COL6A3: variants seen among roughly 807,000 people sequenced by gnomAD.
COL6A3 encodes collagen type VI alpha 3 chain, also known as collagen alpha-3(VI) chain.
A neutral mutation model predicts 274.1 loss-of-function variants in COL6A3; 137 were observed. That is an observed-to-expected ratio of 0.50 (90% CI 0.44 to 0.58). The LOEUF (loss-of-function observed/expected upper bound fraction) is 0.58, where lower values mean the gene tolerates loss of function less well. COL6A3 is among the 20% of genes least tolerant of loss of function. The probability of loss-of-function intolerance (pLI) is 0.00; values close to 1 mark genes in which losing one functional copy is unlikely to be tolerated. For missense variants in COL6A3, 3,950 were observed against 4,124.9 expected (o/e 0.96, Z 1.16); for synonymous variants, 1,650 against 1,650.6 (o/e 1.00, Z 0.01).
rs147839772 is a variant in COL6A3, at chr2:237,351,812, T to G, written c.6754-620A>C. On this transcript the variant is annotated intron_variant, in intron 26 of 43. Transcript: ENST00000295550. ...GTCTAAAGATATGTATTTATCAGCT[T>G]TCAAGCTAGAGAAGGACTTTCTAAG... 5.1e-4 allele frequency among the ~76,000 whole-genome samples: 77 copies of G among 152,372 alleles called. 1 individual carries two copies. The highest frequency in any genetic ancestry group is 1.8e-3 in the African/African-American group (76 of 41,586).
chr2:237,337,446 T>C (rs931296127), intron 39 of COL6A3, among the ~76,000 whole-genome samples: 5 of 152,126 alleles, frequency 3.3e-5, no homozygotes, highest in Admixed American at 6.5e-5. Flanking sequence ...ATGCTGAGAT[T>C]TAAAGCCACT....
At chr2:237,377,449 C>T (rs2077879666) in intron 6 of COL6A3, 105 bp from the exon 7 acceptor site, 1 of 1,043,592 alleles carries the variant, frequency 9.6e-7, no homozygotes. Context: ...TGAAACTCAT[C>T]TGATGACCAC....
At position 237,374,223 on chromosome 2, in the gene COL6A3, C is replaced by T. The variant is rs762188379; in HGVS notation, c.3679+189G>A. Among the ~76,000 whole-genome samples the T allele has an allele frequency of 6.6e-6, 1 of 152,224 alleles. No individual in the cohort carries two copies. Among genetic ancestry groups the T allele is most frequent in the Non-Finnish European group, 1.5e-5 (1 of 68,038 alleles). On this transcript the variant is annotated intron_variant, in intron 8 of 43. Coordinates refer to ENST00000295550, the MANE Select transcript of COL6A3 (RefSeq NM_004369.4). The surrounding 1 kb of genome is among the most constrained non-coding windows in gnomAD (Gnocchi z 4.8). ...AAAACATGAATCTTAGCATCTCCCC[C>T]CTTGAACCTCTGCCATTTCTGCCCA... is the stretch of plus-strand genomic sequence containing the variant.
intron 10 of COL6A3, among the ~76,000 whole-genome samples, chr2:237,367,871 C>G (rs61526536): frequency 1.3e-5 from 2 of 152,028 alleles, no homozygotes; most frequent in African/African-American, 2.4e-5. Flanking sequence ...GCAACTGAGA[C>G]TGGAATAGAG....
At chr2:237,377,424 G>C in intron 6 of COL6A3, 80 bp from the exon 7 acceptor site, 1 of 1,403,262 alleles carries the variant, frequency 7.1e-7, no homozygotes, top group Non-Finnish European at 9.9e-7. Flanking sequence ...AGCACCATTT[G>C]ACAACAGGAG....
rs772836012 is a variant in COL6A3 at position 237,366,711 on chromosome 2, G to C, written c.5476C>G (p.Pro1826Ala). 6.2e-7 allele frequency: 1 copy of C among 1,614,234 alleles called. No individual in the cohort carries two copies. Among genetic ancestry groups the C allele is most frequent in the South Asian group, 1.1e-5 (1 of 91,088 alleles). ...LHDAMHETLC[P>A]GVTDAAKACN... ...CCTTTGGCAGCATCAGTTACACCAG[G>C]GCAAAGGGTTTCATGCATCGCATCA... Residue 1826 changes from proline to alanine, a missense_variant, in exon 11 of 44, where the codon CCT becomes GCT. By Grantham distance (27) the Pro-to-Ala change is conservative. Around this residue, in one of 5 missense-constraint regions of COL6A3, gnomAD observed 632 missense variants for 623.4 expected, o/e 1.01. Coordinates refer to ENST00000295550, the MANE Select transcript of COL6A3 (RefSeq NM_004369.4).
Position 237,413,659 on chromosome 2 carries a change from G to A in COL6A3, c.-31+294C>T, listed in dbSNP as rs1483565466. On this transcript the variant is annotated intron_variant, in intron 1 of 43. Transcript: ENST00000295550. The surrounding 1 kb of genome is among the most constrained non-coding windows in gnomAD (Gnocchi z 4.0). ...CAGTAACTTAAATAAATCATGGGCC[G>A]AAACACACTGCCGCCCGGAATGCAC... 1.3e-5 allele frequency among the ~76,000 whole-genome samples: 2 copies of A among 152,166 alleles called. No individual in the cohort carries two copies. Among genetic ancestry groups the A allele is most frequent in the African/African-American group, 4.8e-5 (2 of 41,442 alleles).
intron 26 of COL6A3, 30 bp from the exon 27 acceptor site, chr2:237,351,222 G>T: frequency 6.2e-7 from 1 of 1,611,334 alleles, no homozygotes; most frequent in Non-Finnish European, 8.5e-7. Context: ...ATGTGTCAGT[G>T]AAGTGGCCAA....
chr2:237,337,661 A>G (rs955827245), intron 39 of COL6A3, among the ~76,000 whole-genome samples: 1 of 152,228 alleles, frequency 6.6e-6, no homozygotes, highest in African/African-American at 2.4e-5. Flanking sequence ...CCTCCAAAGC[A>G]TGACACACTG....
chr2:237,348,540 A>G (rs544756562), intron 29 of COL6A3, 73 bp downstream of exon 29: 11 of 1,483,090 alleles, frequency 7.4e-6, no homozygotes, highest in Middle Eastern at 1.7e-4. Context: ...CTTTTAAAAC[A>G]CAACACATCA....
At chr2:237,394,499 T>A in intron 3 of COL6A3, 88 bp downstream of exon 3, 3 of 1,561,434 alleles carry the variant, frequency 1.9e-6, no homozygotes, top group Non-Finnish European at 2.6e-6. Context: ...CCACCCGCCA[T>A]CCTAGCTGTT....
chr2:237,352,390 G>T (rs1200932339), intron 26 of COL6A3, 132 bp downstream of exon 26: 3 of 909,152 alleles, frequency 3.3e-6, no homozygotes, highest in African/African-American at 1.6e-5. Flanking sequence ...TAAATCTGGG[G>T]TTTTTGTTGC....
chr2:237,370,925 T>C (rs981386889), intron 9 of COL6A3, among the ~76,000 whole-genome samples: 13 of 152,250 alleles, frequency 8.5e-5, no homozygotes, highest in African/African-American at 3.1e-4. Flanking sequence ...TAACCCTATC[T>C]GAACACAGAC....
At chr2:237,342,344 G>GT (rs1009122752) in intron 36 of COL6A3, 183 bp from the exon 37 acceptor site, 2 of 627,460 alleles carry the variant, frequency 3.2e-6, no homozygotes, top group Non-Finnish European at 5.7e-6. Flanking sequence ...AAAGACATAG[G>GT]TTTTATTCTA....
At chr2:237,379,314 C>T in intron 5 of COL6A3, 79 bp from the exon 6 acceptor site, 2 of 1,524,426 alleles carry the variant, frequency 1.3e-6, no homozygotes, top group East Asian at 2.3e-5. Flanking sequence ...AACACGTGCA[C>T]ACATGCCAAC....
intron 17 of COL6A3, 126 bp from the exon 18 acceptor site, chr2:237,359,514 A>G: frequency 2.0e-6 from 2 of 989,678 alleles, no homozygotes; most frequent in South Asian, 1.3e-5. Context: ...AAAATGTAAT[A>G]TTAGAGTCCT....
At chr2:237,351,354 C>T (rs1178032679) in intron 26 of COL6A3, among the ~76,000 whole-genome samples, 162 bp from the exon 27 acceptor site, 3 of 152,218 alleles carry the variant, frequency 2.0e-5, no homozygotes, top group Admixed American at 1.3e-4. Context: ...CACGGGGCTA[C>T]GGACTCAAAT....
At position 237,413,889 on chromosome 2, in the gene COL6A3, T is replaced by A. The variant is rs2078915828; in HGVS notation, c.-31+64A>T. The A allele has an allele frequency of 6.6e-6, 1 of 152,196 alleles. No homozygotes were observed. Among genetic ancestry groups the A allele is most frequent in the Admixed American group, 6.5e-5 (1 of 15,286 alleles). The allele number at this position is 152,196 out of a possible 1,614,324, so 9.4% of individuals were successfully genotyped here. A position where few individuals can be genotyped will look rare whatever the true frequency, so the allele number is the denominator to read the frequency against. On this transcript the variant is annotated intron_variant, in intron 1 of 43. Transcript: ENST00000295550. The surrounding 1 kb of genome is among the most constrained non-coding windows in gnomAD (Gnocchi z 4.0). ...ACTAACGCTACCTAGAAAGGATCAC[T>A]TCAGGTTAAGAGCATTTCCTTCTAG...
At position 237,377,231 on chromosome 2, in the gene COL6A3, C is replaced by T; in HGVS notation, c.2611G>A (p.Glu871Lys). Residue 871 changes from glutamate (E) to lysine (K), a missense_variant, in exon 7 of 44, where the codon GAG (glutamate) becomes AAG (lysine). Around this residue, in one of 5 missense-constraint regions of COL6A3, gnomAD observed 1,934 missense variants for 1,984.3 expected, o/e 0.97. Transcript: ENST00000295550. ...KIIDELNVKPEGTRIAVAQYS... is the reference protein window; with the variant it reads ...KIIDELNVKPKGTRIAVAQYS... ...TGAGCCACCGCAATTCGGGTCCCCT[C>T]TGGCTTCACATTGAGCTCATCGATA... 1.2e-6 allele frequency: 2 copies of T among 1,613,074 alleles called. No individual in the cohort carries two copies. Among genetic ancestry groups the T allele is most frequent in the Non-Finnish European group, 1.7e-6 (2 of 1,180,030 alleles).
Sources: gnomAD v4.1 joint callset for allele counts (sites outside exome capture counted in the v4.1 genomes callset) on GRCh38, gnomAD v4.1.1 for gene constraint, gnomAD v4.1.1 regional missense constraint, Gnocchi (gnomAD v3.1) non-coding constraint, MANE v1.5 for transcripts, NCBI Gene and HGNC (gene_info 2026-07-23, HGNC 2026-07-21) for gene names.